The following CSGALNACT1 variants were observed in gnomAD, a reference collection of about 807,000 sequenced individuals.
CSGALNACT1 encodes chondroitin sulfate N-acetylgalactosaminyltransferase 1.
In CSGALNACT1, 52 loss-of-function variants were observed where a neutral mutation model predicts 51.0. The ratio of observed to expected loss-of-function variants is 1.02; its 90% CI spans 0.82 to 1.29. The LOEUF (loss-of-function observed/expected upper bound fraction) is 1.29. Ranked by LOEUF, CSGALNACT1 falls within the 50% of genes most tolerant of loss-of-function variation. The pLI is 0.00. For synonymous variants in CSGALNACT1, 341 were observed against 254.4 expected (o/e 1.34, Z -3.24); for missense variants, 935 against 679.2 (o/e 1.38, Z -4.19).
At chr8:19,514,161 T>C (rs1036966085) in intron 3 of CSGALNACT1, among the ~76,000 whole-genome samples, 9 of 152,096 alleles carry the variant, frequency 5.9e-5, no homozygotes, top group Non-Finnish European at 1.3e-4. Context: ...TAAGAGGTGC[T>C]TGAGCCAAAT....
intron 3 of CSGALNACT1, among the ~76,000 whole-genome samples, chr8:19,521,997 G>A (rs1225623954): frequency 6.6e-6 from 1 of 152,200 alleles, no homozygotes; most frequent in Non-Finnish European, 1.5e-5. Flanking sequence ...AGCAGTCAAT[G>A]CAGTGGTTGA....
intron 2 of CSGALNACT1, among the ~76,000 whole-genome samples, chr8:19,591,866 T>G (rs1306427807): frequency 2.6e-5 from 4 of 152,168 alleles, no homozygotes; most frequent in African/African-American, 9.7e-5. Flanking sequence ...TATATTACAG[T>G]ATTTGCTATA....
chr8:19,417,670 G>A (rs1405518346), intron 8 of CSGALNACT1, among the ~76,000 whole-genome samples: 1 of 152,176 alleles, frequency 6.6e-6, no homozygotes, highest in Non-Finnish European at 1.5e-5. Flanking sequence ...TTAGCAAGAG[G>A]CAGAGCTACC....
Position 19,537,376 on chromosome 8 carries a change from C to A in CSGALNACT1, c.-296-31246G>T, listed in dbSNP as rs146032851. 6.6e-5 allele frequency among the ~76,000 whole-genome samples: 10 copies of A among 152,262 alleles called. No individual in the cohort carries two copies. In the East Asian group the frequency reaches 1.9e-3, roughly 29 times the overall value. On this transcript the variant is annotated intron_variant, in intron 3 of 9. Coordinates refer to ENST00000454498, the Ensembl canonical transcript of CSGALNACT1. ...CTTCGTGGCTTCAGAGGGCTGAAAA[C>A]TCCACCCTTCGATTATGGTAAGGCT...
intron 1 of CSGALNACT1, among the ~76,000 whole-genome samples, chr8:19,743,413 T>G (rs1300549298): frequency 6.6e-6 from 1 of 152,220 alleles, no homozygotes; most frequent in South Asian, 2.1e-4. Context: ...AAGGACCATA[T>G]TCATTATGAT....
intron 2 of CSGALNACT1, among the ~76,000 whole-genome samples, chr8:19,591,747 G>GA (rs1284910625): frequency 6.7e-6 from 1 of 148,356 alleles, no homozygotes; most frequent in Non-Finnish European, 1.5e-5. Flanking sequence ...AACATAGTGA[G>GA]ATTCCTCTCC....
intron 3 of CSGALNACT1, among the ~76,000 whole-genome samples, chr8:19,533,634 C>T (rs2083203099): frequency 6.6e-6 from 1 of 152,094 alleles, no homozygotes; most frequent in African/African-American, 2.4e-5. Context: ...ACTTCACATC[C>T]TCCTAATAGG....
intron 8 of CSGALNACT1, among the ~76,000 whole-genome samples, chr8:19,417,766 G>T (rs2057166547): frequency 6.6e-6 from 1 of 152,166 alleles, no homozygotes; most frequent in African/African-American, 2.4e-5. Flanking sequence ...AGACAAACCT[G>T]GCTCATCTCC....
rs528047676 is a variant in CSGALNACT1, at chr8:19,541,161, C to T, written c.-296-35031G>A. On this transcript the variant is annotated intron_variant, in intron 3 of 9. Transcript: ENST00000454498. ...GTGGCATGATCGCAGCTCACTGCAA[C>T]CTTTGCCTCCCAGGTAAGGGAGAAA... 4.6e-5 allele frequency among the ~76,000 whole-genome samples: 7 copies of T among 151,934 alleles called. No individual in the cohort carries two copies. In the South Asian group the frequency reaches 1.5e-3, roughly 32 times the overall value.
intron 3 of CSGALNACT1, among the ~76,000 whole-genome samples, chr8:19,537,059 T>A (rs2083912729): frequency 6.6e-6 from 1 of 152,166 alleles, no homozygotes; most frequent in Non-Finnish European, 1.5e-5. Flanking sequence ...AAATCTGAGT[T>A]CCTAGCCATG....
intron 1 of CSGALNACT1, among the ~76,000 whole-genome samples, chr8:19,675,475 T>A (rs2060108021): frequency 6.6e-6 from 1 of 151,472 alleles, no homozygotes; most frequent in Non-Finnish European, 1.5e-5. Context: ...GAGAGAGAGA[T>A]CCTCTAATTC....
chr8:19,524,450 T>C (rs1166324437), intron 3 of CSGALNACT1, among the ~76,000 whole-genome samples: 2 of 152,184 alleles, frequency 1.3e-5, no homozygotes. Context: ...CTAGATTTTG[T>C]TTTTCTAGTC....
intron 3 of CSGALNACT1, among the ~76,000 whole-genome samples, chr8:19,562,693 T>C (rs1157237611): frequency 2.0e-5 from 3 of 152,188 alleles, no homozygotes; most frequent in Non-Finnish European, 4.4e-5. Context: ...TCAACATCAC[T>C]TATCATTAGA....
At position 19,507,563 on chromosome 8, in the gene CSGALNACT1, T is replaced by C. The variant is rs536964541; in HGVS notation, c.-296-1433A>G. Among the ~76,000 whole-genome samples the C allele has an allele frequency of 8.0e-5, 11 of 138,010 alleles. No homozygotes were observed. In the East Asian group the frequency reaches 2.2e-3, roughly 27 times the overall value. The allele number at this position is 138,010 out of a possible 152,430, so 90.5% of individuals were successfully genotyped here. On this transcript the variant is annotated intron_variant, in intron 3 of 9. Transcript: ENST00000454498. Reference sequence around the variant, plus strand: ...AAAAAAAAAAAAAAAGAATGATTAATGGAAAATAGACCAAATAGAATTTCT... The same window carrying C: ...AAAAAAAAAAAAAAAGAATGATTAACGGAAAATAGACCAAATAGAATTTCT...
intron 1 of CSGALNACT1, among the ~76,000 whole-genome samples, chr8:19,674,027 C>A (rs902074503): frequency 6.6e-6 from 1 of 152,224 alleles, no homozygotes; most frequent in Admixed American, 6.5e-5. Flanking sequence ...GTGGCTCACA[C>A]CTGTCATCCC....
At position 19,757,165 on chromosome 8, in the gene CSGALNACT1, C is replaced by T. The variant is rs1331874904; in HGVS notation, c.-297+685G>A. On this transcript the variant is annotated intron_variant, in intron 1 of 1. Transcript: ENST00000517494. This position sits in a 1 kb window ranked among gnomAD's most constrained non-coding sequence, Gnocchi z 4.0. The stretch of plus-strand genomic sequence containing the variant: ...GCGCGGCACACCGCGCCCGGCTGGC[C>T]CGGGAGGGGACCCGACTCACCCGAA... 6.7e-5 allele frequency: 10 copies of T among 149,756 alleles called. No homozygotes were observed. In the East Asian group the frequency reaches 1.8e-3, roughly 26 times the overall value. 9.3% of individuals were successfully genotyped at this position (149,756 alleles called of 1,614,324 possible). A position where few individuals can be genotyped will look rare whatever the true frequency, so the allele number is the denominator to read the frequency against.
rs149838314 is a variant in CSGALNACT1 at position 19,581,414 on chromosome 8, A to G, written c.-297+9746T>C. Among the ~76,000 whole-genome samples the G allele has an allele frequency of 9.3e-3, 1,419 of 152,354 alleles. 24 individuals are homozygous for G. Among genetic ancestry groups the G allele is most frequent in the African/African-American group, 0.032 (1,327 of 41,578 alleles). ...AAATAATGTCCTCTTAAACTCCCCA[A>G]ATTAAAATGTTATATTTGTGGCAGA... On this transcript the variant is annotated intron_variant, in intron 3 of 9. Coordinates refer to ENST00000454498, the Ensembl canonical transcript of CSGALNACT1.
intron 3 of CSGALNACT1, among the ~76,000 whole-genome samples, chr8:19,553,528 T>A (rs1277960351): frequency 6.7e-6 from 1 of 149,754 alleles, no homozygotes; most frequent in Non-Finnish European, 1.5e-5. Flanking sequence ...GTCAAAAAGC[T>A]CAAACAATTT....
intron 1 of CSGALNACT1, among the ~76,000 whole-genome samples, chr8:19,635,821 G>C (rs145293189): frequency 6.6e-6 from 1 of 152,054 alleles, no homozygotes; most frequent in Admixed American, 6.6e-5. Flanking sequence ...TCTGCCTCCC[G>C]GGTTCAAGCA....
Sources: allele counts gnomAD v4.1 joint callset (sites outside exome capture counted in the v4.1 genomes callset), GRCh38; gene constraint gnomAD v4.1.1; non-coding constraint Gnocchi (gnomAD v3.1); transcripts MANE v1.5; gene names NCBI Gene and HGNC (gene_info 2026-07-23, HGNC 2026-07-21).